Variants in TFAP2D observed in about 807,000 individuals in gnomAD.
TFAP2D encodes transcription factor AP-2-delta.
A neutral mutation model predicts 43.6 loss-of-function variants in TFAP2D; 9 were observed. That is an observed-to-expected ratio of 0.21 (90% CI 0.12 to 0.36). The LOEUF (loss-of-function observed/expected upper bound fraction) is 0.36. Ranked by LOEUF, TFAP2D falls within the 10% of genes least tolerant of loss-of-function variation. The pLI, the probability that TFAP2D is intolerant of heterozygous loss-of-function variation, is 1.00. For synonymous variants in TFAP2D, 256 were observed against 224.9 expected, an observed-to-expected ratio of 1.14 and a Z score of -1.24; for missense variants, 513 against 561.4, an observed-to-expected ratio of 0.91 and a Z score of 0.87.
At chr6:50,728,009 C>T (rs1768833851) in intron 3 of TFAP2D, among the ~76,000 whole-genome samples, 1 of 152,142 alleles carries the variant, frequency 6.6e-6, no homozygotes, top group Admixed American at 6.6e-5. Context: ...GAGATTGAAG[C>T]TCAGGGGGCT....
intron 7 of TFAP2D, among the ~76,000 whole-genome samples, chr6:50,761,388 C>G (rs970800492): frequency 6.6e-6 from 1 of 151,970 alleles, no homozygotes; most frequent in Admixed American, 6.6e-5. Context: ...ATGATAGTGT[C>G]TATTACCTCC....
intron 3 of TFAP2D, among the ~76,000 whole-genome samples, chr6:50,723,107 C>A (rs746261983): frequency 6.6e-6 from 1 of 152,200 alleles, no homozygotes. Context: ...TTTGTCAGAG[C>A]GCTTAGAGGT....
At chr6:50,759,289 C>G in intron 7 of TFAP2D, among the ~76,000 whole-genome samples, 1 of 151,970 alleles carries the variant, frequency 6.6e-6, no homozygotes, top group East Asian at 1.9e-4. Context: ...GGATCTAACT[C>G]AGTCTCCACT....
At chr6:50,738,785 C>T (rs930339682) in intron 5 of TFAP2D, among the ~76,000 whole-genome samples, 5 of 152,144 alleles carry the variant, frequency 3.3e-5, no homozygotes, top group Admixed American at 2.6e-4. Context: ...TCTCTTTTGT[C>T]TATAGAGTTC....
chr6:50,721,721 C>G (rs1314122584), intron 3 of TFAP2D, among the ~76,000 whole-genome samples: 1 of 152,212 alleles, frequency 6.6e-6, no homozygotes, highest in East Asian at 1.9e-4. Flanking sequence ...ATGTCTGTTT[C>G]TTTTCCAGCT....
intron 3 of TFAP2D, among the ~76,000 whole-genome samples, chr6:50,726,646 G>A (rs1237068558): frequency 2.0e-5 from 3 of 152,040 alleles, no homozygotes; most frequent in Non-Finnish European, 2.9e-5. Context: ...AAAATAATCA[G>A]GATCAAAATT....
intron 5 of TFAP2D, among the ~76,000 whole-genome samples, chr6:50,731,308 A>C (rs1054003079): frequency 1.3e-5 from 2 of 152,044 alleles, no homozygotes; most frequent in East Asian, 3.9e-4. Context: ...AATCCCCAGT[A>C]TCTTCAGGAT....
At position 50,713,567 on chromosome 6, in the gene TFAP2D, C is replaced by T. The variant is rs1768563613; in HGVS notation, c.-489C>T. On this transcript the variant is annotated 5_prime_UTR_variant, in exon 1 of 8. Coordinates refer to ENST00000008391, the MANE Select transcript of TFAP2D (RefSeq NM_172238.4). ...TCACAATAAAATGTGTGCAAATACT[C>T]TCCACAGAGATAAGTCCCCACCTCA... 6.6e-6 allele frequency among the ~76,000 whole-genome samples: 1 copy of T among 152,160 alleles called. No homozygotes were observed. The highest frequency in any genetic ancestry group is 1.5e-5 in the Non-Finnish European group (1 of 68,036).
intron 7 of TFAP2D, among the ~76,000 whole-genome samples, chr6:50,751,584 G>A (rs1404839622): frequency 1.3e-5 from 2 of 151,912 alleles, no homozygotes. Context: ...TTGCTTCAGA[G>A]ATGGCACCGT....
intron 7 of TFAP2D, among the ~76,000 whole-genome samples, chr6:50,762,288 A>G (rs797011891): frequency 2.6e-5 from 4 of 152,020 alleles, no homozygotes; most frequent in African/African-American, 9.7e-5. Context: ...TAAAACATTC[A>G]GGTCAAGGCC....
In TFAP2D at chr6:50,771,337, A is replaced by G. The variant is rs1364877745; in HGVS notation, c.1140-1308A>G. Among the ~76,000 whole-genome samples the G allele has an allele frequency of 3.3e-5, 5 of 152,362 alleles. No homozygotes were observed. The South Asian group carries it at 6.2e-4, about 19-fold the overall frequency. On this transcript the variant is annotated intron_variant, in intron 7 of 7. Coordinates refer to ENST00000008391, the MANE Select transcript of TFAP2D (RefSeq NM_172238.4). Reference sequence around the variant, plus strand: ...TTTTAAGCAAGTGGGAATTGCATGTATCACTTCTCTTTATGTTACATTGTG... The same window carrying G: ...TTTTAAGCAAGTGGGAATTGCATGTGTCACTTCTCTTTATGTTACATTGTG...
At chr6:50,761,821 C>G (rs552484797) in intron 7 of TFAP2D, among the ~76,000 whole-genome samples, 1 of 152,092 alleles carries the variant, frequency 6.6e-6, no homozygotes, top group South Asian at 2.1e-4. Context: ...GCTCTTATTC[C>G]TCTAACATTC....
chr6:50,751,272 A>G lies in TFAP2D; in HGVS notation c.1087A>G (p.Arg363Gly), dbSNP rs779576929. 1 of 1,611,782 alleles carries G rather than the reference A, an allele frequency of 6.2e-7. No individual in the cohort carries two copies. Among genetic ancestry groups the G allele is most frequent in the Non-Finnish European group, 8.5e-7 (1 of 1,178,432 alleles). ...AGATAGATCACCACTGGGATCCTCCAGACCCACTCCAATTCTAGACCTTGA... is the reference window on the plus strand; with the variant it reads ...AGATAGATCACCACTGGGATCCTCCGGACCCACTCCAATTCTAGACCTTGA... Reference protein sequence around the residue: ...SQDRSPLGSSRPTPILDLDIQ... With the variant: ...SQDRSPLGSSGPTPILDLDIQ... Residue 363 changes from arginine (R) to glycine (G), a missense_variant, in exon 7 of 8, where the codon AGA (arginine) becomes GGA (glycine). Coordinates refer to ENST00000008391, the MANE Select transcript of TFAP2D (RefSeq NM_172238.4).
chr6:50,743,593 C>T (rs1295707921), intron 5 of TFAP2D, among the ~76,000 whole-genome samples: 1 of 151,992 alleles, frequency 6.6e-6, no homozygotes. Flanking sequence ...CTATGTTGCC[C>T]AGGCTGGTCT....
chr6:50,741,912 C>T (rs1484030113), intron 5 of TFAP2D, among the ~76,000 whole-genome samples: 2 of 152,096 alleles, frequency 1.3e-5, no homozygotes, highest in African/African-American at 4.8e-5. Context: ...GGTTCTTGCA[C>T]TTCAGTTCAT....
chr6:50,724,835 A>T (rs564674251), intron 3 of TFAP2D, among the ~76,000 whole-genome samples: 1 of 151,784 alleles, frequency 6.6e-6, no homozygotes, highest in Non-Finnish European at 1.5e-5. Context: ...GCAACGGGGT[A>T]GTTGTTTTTT....
intron 3 of TFAP2D, among the ~76,000 whole-genome samples, chr6:50,719,856 G>A (rs773945889): frequency 6.6e-6 from 1 of 152,178 alleles, no homozygotes; most frequent in Non-Finnish European, 1.5e-5. Context: ...GTGGGGGAAG[G>A]CAAGAGGAGA....
chr6:50,736,922 A>T (rs1250566380), intron 5 of TFAP2D, among the ~76,000 whole-genome samples: 1 of 151,916 alleles, frequency 6.6e-6, no homozygotes, highest in Non-Finnish European at 1.5e-5. Flanking sequence ...TTTTTCTATG[A>T]TTCTTCCTTT....
chr6:50,732,135 T>C (rs1049726057), intron 5 of TFAP2D, among the ~76,000 whole-genome samples: 3 of 152,074 alleles, frequency 2.0e-5, no homozygotes, highest in African/African-American at 7.2e-5. Context: ...GACATTTTTA[T>C]TTTCAAAAAT....
Sources: gnomAD v4.1 joint callset for allele counts (sites outside exome capture counted in the v4.1 genomes callset) on GRCh38, gnomAD v4.1.1 for gene constraint, MANE v1.5 for transcripts, NCBI Gene and HGNC (gene_info 2026-07-23, HGNC 2026-07-21) for gene names.